ZIM2: variants seen among roughly 807,000 people sequenced by gnomAD.
ZIM2 encodes zinc finger imprinted 2.
ZIM2 carries 14 observed loss-of-function variants against 38.6 expected under a neutral mutation model. That is an observed-to-expected ratio of 0.36 (90% CI 0.24 to 0.57). The LOEUF is 0.57. Ranked by LOEUF, ZIM2 falls within the 20% of genes least tolerant of loss-of-function variation. ZIM2 has a pLI of 0.81. For missense variants in ZIM2, 680 were observed against 695.1 expected (o/e 0.98, Z 0.24); for synonymous variants, 247 against 245.8 (o/e 1.00, Z -0.04).
intron 3 of ZIM2, among the ~76,000 whole-genome samples, chr19:56,826,054 G>A (rs1013338593): frequency 1.3e-5 from 2 of 152,150 alleles, no homozygotes; most frequent in African/African-American, 4.8e-5. Context: ...AGACCTTAGC[G>A]ACTGGACTAT....
intron 9 of ZIM2, chr19:56,798,909 T>G (rs1230661922): frequency 6.6e-6 from 1 of 152,082 alleles, no homozygotes; most frequent in Admixed American, 6.5e-5. Context: ...AAAACCACAA[T>G]GAGATACCAT....
At position 56,774,910 on chromosome 19, in the gene ZIM2, A is replaced by G; in HGVS notation, c.1455T>C (p.Tyr485=). The G allele has an allele frequency of 6.2e-7, 1 of 1,614,208 alleles. No individual in the cohort carries two copies. Residue 485 remains tyrosine (Y), a synonymous_variant, in exon 13 of 13, where the codon TAT becomes TAC. Transcript: ENST00000629319. ...LSHSKTYLIR[Y]QRKHDYVGER... is the part of the protein sequence containing the mutation. ...CTCCAACGTAGTCATGTTTCCGCTG[A>G]TAACGAATTAAGTATGTCTTGCTGT...
At chr19:56,781,635 G>T (rs900278234) in intron 11 of ZIM2, among the ~76,000 whole-genome samples, 3 of 152,054 alleles carry the variant, frequency 2.0e-5, no homozygotes, top group African/African-American at 7.2e-5. Flanking sequence ...AATGACTCAG[G>T]TTCCTCAAAG....
Position 56,774,993 on chromosome 19 carries a change from G to T in ZIM2, c.1372C>A (p.Leu458Ile), listed in dbSNP as rs1346450798. 1.9e-6 allele frequency: 3 copies of T among 1,614,174 alleles called. No individual in the cohort carries two copies. The South Asian group carries it at 3.3e-5, about 18-fold the overall frequency. ...CGKAFLQNVH[L>I]LQHLKAHEAA... Reference sequence around the variant, plus strand: ...TCATGGGCTTTGAGATGTTGAAGAAGATGCACATTCTGGAGAAAAGCTTTG... The same window carrying T: ...TCATGGGCTTTGAGATGTTGAAGAATATGCACATTCTGGAGAAAAGCTTTG... Residue 458 changes from leucine (L) to isoleucine (I), a missense_variant, in exon 13 of 13, where the codon CTT (leucine) becomes ATT (isoleucine). By Grantham distance (5) the Leu-to-Ile change is conservative. Coordinates refer to ENST00000629319, the MANE Select transcript of ZIM2 (RefSeq NM_001387356.1).
chr19:56,833,180 C>T (rs762491743), intron 2 of ZIM2: 1 of 517,156 alleles, frequency 1.9e-6, no homozygotes, highest in Non-Finnish European at 3.9e-6. Flanking sequence ...CACATCCCAT[C>T]TGATGCAGGA....
rs777548505 is a variant in ZIM2, at chr19:56,824,301, T to G, written c.-24A>C. ...ATCTCCTTGTAATTCTCCAGCAGAGTGACGAGCTTCTCACAGTTCTCCGGC... is the reference window on the plus strand; with the variant it reads ...ATCTCCTTGTAATTCTCCAGCAGAGGGACGAGCTTCTCACAGTTCTCCGGC... On this transcript the variant is annotated 5_prime_UTR_variant, in exon 4 of 13. Coordinates refer to ENST00000629319, the MANE Select transcript of ZIM2 (RefSeq NM_001387356.1). 6 of 1,613,958 alleles carry G rather than the reference T, an allele frequency of 3.7e-6. No homozygotes were observed. Among genetic ancestry groups the G allele is most frequent in the Non-Finnish European group, 5.1e-6 (6 of 1,179,992 alleles).
chr19:56,825,941 C>T (rs972824028), intron 3 of ZIM2, among the ~76,000 whole-genome samples: 2 of 152,166 alleles, frequency 1.3e-5, no homozygotes, highest in African/African-American at 4.8e-5. Flanking sequence ...CAGTGATGGG[C>T]TCCCACTTCC....
At chr19:56,813,928 T>C (rs1360213673) in intron 9 of ZIM2, 2 of 1,614,220 alleles carry the variant, frequency 1.2e-6, no homozygotes, top group Non-Finnish European at 8.5e-7. Flanking sequence ...ATGGCAGTCA[T>C]AGTATGGTTC....
At chr19:56,783,690 G>A (rs1456471168) in intron 10 of ZIM2, among the ~76,000 whole-genome samples, 1 of 152,170 alleles carries the variant, frequency 6.6e-6, no homozygotes, top group Non-Finnish European at 1.5e-5. Context: ...AGGGAGGGAG[G>A]AGAATAAGGA....
intron 12 of ZIM2, among the ~76,000 whole-genome samples, chr19:56,778,677 C>T (rs1318223851): frequency 6.6e-6 from 1 of 152,098 alleles, no homozygotes; most frequent in Non-Finnish European, 1.5e-5. Context: ...GAATACAGCC[C>T]AGCTGATCAG....
At chr19:56,816,427 A>C (rs749565842) in intron 9 of ZIM2, 13 of 1,614,048 alleles carry the variant, frequency 8.1e-6, no homozygotes, top group Non-Finnish European at 1.0e-5. Flanking sequence ...ACGCCTTTTA[A>C]GGGACTGACC....
chr19:56,798,296 C>G (rs530140642), intron 9 of ZIM2: 18 of 152,176 alleles, frequency 1.2e-4, no homozygotes, highest in Non-Finnish European at 2.4e-4. Flanking sequence ...GGCTAAAATA[C>G]TGAGGTAAAG....
At chr19:56,832,209 G>A (rs1327516537) in intron 2 of ZIM2, among the ~76,000 whole-genome samples, 1 of 152,164 alleles carries the variant, frequency 6.6e-6, no homozygotes, top group African/African-American at 2.4e-5. Context: ...TGCAATTACT[G>A]TTTCCTAGCG....
chr19:56,834,313 C>T (rs1447203739), intron 2 of ZIM2, among the ~76,000 whole-genome samples: 1 of 152,096 alleles, frequency 6.6e-6, no homozygotes, highest in Non-Finnish European at 1.5e-5. Flanking sequence ...ATCTTGGTAA[C>T]CCTAAGCAAG....
At chr19:56,804,514 T>C (rs1446080206) in intron 9 of ZIM2, among the ~76,000 whole-genome samples, 1 of 152,230 alleles carries the variant, frequency 6.6e-6, no homozygotes, top group Non-Finnish European at 1.5e-5. Flanking sequence ...AAGACTATTA[T>C]TCCTACCTAA....
intron 12 of ZIM2, 147 bp from the exon 13 acceptor site, chr19:56,775,676 T>C: frequency 7.2e-7 from 1 of 1,380,940 alleles, no homozygotes; most frequent in Non-Finnish European, 9.5e-7. Context: ...AAAGTAAAAA[T>C]TCCTCTATTC....
chr19:56,795,832 C>T lies in ZIM2; in HGVS notation c.491-5881G>A, dbSNP rs188668174. On this transcript the variant is annotated intron_variant, in intron 9 of 12. Transcript: ENST00000629319. The stretch of plus-strand genomic sequence containing the variant: ...CTCCAGCCTGGGCGACAGAGCGAGA[C>T]TCCACCTCAAAAAAACAAAAACAAA... Among the ~76,000 whole-genome samples, 141 of 152,188 alleles carry T rather than the reference C, an allele frequency of 9.3e-4. 1 individual carries two copies. Among genetic ancestry groups the T allele is most frequent in the African/African-American group, 3.1e-3 (129 of 41,516 alleles).
intron 3 of ZIM2, chr19:56,824,709 C>A: frequency 6.6e-7 from 1 of 1,515,760 alleles, no homozygotes; most frequent in Admixed American, 1.9e-5. Flanking sequence ...ACAGGAAAGA[C>A]GCGGCAGCCT....
intron 6 of ZIM2, chr19:56,822,446 A>G (rs1450721058): frequency 6.2e-6 from 2 of 322,252 alleles, no homozygotes; most frequent in African/African-American, 4.3e-5. Context: ...GGCACTTCAT[A>G]CTAGTTTTCA....
Sources: allele counts gnomAD v4.1 joint callset (sites outside exome capture counted in the v4.1 genomes callset), GRCh38; gene constraint gnomAD v4.1.1; transcripts MANE v1.5; gene names NCBI Gene and HGNC (gene_info 2026-07-23, HGNC 2026-07-21).